Variants in SRBD1 observed in about 807,000 individuals in gnomAD.
The protein encoded by SRBD1 is S1 RNA-binding domain-containing protein 1.
A neutral mutation model predicts 115.3 loss-of-function variants in SRBD1; 88 were observed. That is an observed-to-expected ratio of 0.76 (90% CI 0.64 to 0.91). The LOEUF (loss-of-function observed/expected upper bound fraction) is 0.91. Ranked by LOEUF, SRBD1 falls within the 40% of genes least tolerant of loss-of-function variation. The probability of loss-of-function intolerance (pLI) is 0.00; values close to 1 mark genes in which losing one functional copy is unlikely to be tolerated. For missense variants in SRBD1, 1,385 were observed against 1,177.4 expected (o/e 1.18, Z -2.58); for synonymous variants, 509 against 407.7 (o/e 1.25, Z -2.99).
At chr2:45,597,019 G>T (rs1673923294) in intron 4 of SRBD1, among the ~76,000 whole-genome samples, 1 of 110,308 alleles carries the variant, frequency 9.1e-6, no homozygotes, top group South Asian at 3.0e-4. Flanking sequence ...CACACACACA[G>T]CCCTGGCAGC....
rs146178969 is a variant in SRBD1, at chr2:45,539,054, T to C, written c.1874+7678A>G. 3.2e-4 allele frequency among the ~76,000 whole-genome samples: 49 copies of C among 152,170 alleles called. 1 individual carries two copies. The East Asian group carries it at 8.5e-3, about 26-fold the overall frequency. The stretch of plus-strand genomic sequence containing the variant: ...TAAATTTAGATGATTGAAAAGATCA[T>C]TATCTATTTTTTTTTATGGTCTTAC... On this transcript the variant is annotated intron_variant, in intron 14 of 20. Coordinates refer to ENST00000263736, the MANE Select transcript of SRBD1 (RefSeq NM_018079.5).
intron 19 of SRBD1, among the ~76,000 whole-genome samples, chr2:45,407,127 ACT>A (rs1667459605): frequency 6.6e-6 from 1 of 152,050 alleles, no homozygotes; most frequent in Non-Finnish European, 1.5e-5. Flanking sequence ...CCTATCAGAG[ACT>A]CTGTATACCT....
chr2:45,429,761 A>G (rs1048644327), intron 16 of SRBD1, among the ~76,000 whole-genome samples: 3 of 152,232 alleles, frequency 2.0e-5, no homozygotes, highest in African/African-American at 4.8e-5. Flanking sequence ...CACCACTCCT[A>G]TTCAACATAG....
chr2:45,514,206 C>A, intron 14 of SRBD1, among the ~76,000 whole-genome samples: 1 of 152,110 alleles, frequency 6.6e-6, no homozygotes, highest in East Asian at 1.9e-4. Context: ...AGAAAAAGTA[C>A]ATTTGAAATT....
In SRBD1 at chr2:45,607,329, G is replaced by C. The variant is rs74586637; in HGVS notation, c.1-1888C>G. On this transcript the variant is annotated intron_variant, in intron 1 of 20. Coordinates refer to ENST00000263736, the MANE Select transcript of SRBD1 (RefSeq NM_018079.5). ...TCAATAAATGGTATTGAGACAACTAGCTATTCCTCTAGAAGAAAAAAAGGA... is the reference window on the plus strand; with the variant it reads ...TCAATAAATGGTATTGAGACAACTACCTATTCCTCTAGAAGAAAAAAAGGA... 4.0e-3 allele frequency among the ~76,000 whole-genome samples: 607 copies of C among 152,196 alleles called. 5 individuals carry two copies. The highest frequency in any genetic ancestry group is 0.014 in the African/African-American group (589 of 41,524).
At chr2:45,456,271 A>G (rs999271250) in intron 16 of SRBD1, among the ~76,000 whole-genome samples, 2 of 151,932 alleles carry the variant, frequency 1.3e-5, no homozygotes, top group African/African-American at 4.8e-5. Context: ...TCTATGTTTT[A>G]AGATGACCTT....
intron 16 of SRBD1, among the ~76,000 whole-genome samples, chr2:45,472,956 GT>G (rs5830862): frequency 4.1e-4 from 60 of 148,104 alleles, no homozygotes; most frequent in African/African-American, 1.4e-3. Flanking sequence ...TATCAAGGTT[GT>G]TTTTTTTTTC....
intron 1 of SRBD1, among the ~76,000 whole-genome samples, chr2:45,609,743 C>T (rs1481100096): frequency 1.3e-5 from 2 of 152,122 alleles, no homozygotes; most frequent in Non-Finnish European, 2.9e-5. Flanking sequence ...ACATTTCAGG[C>T]CTAAAATAGG....
At chr2:45,522,405 T>C (rs1046900656) in intron 14 of SRBD1, among the ~76,000 whole-genome samples, 3 of 152,168 alleles carry the variant, frequency 2.0e-5, no homozygotes, top group African/African-American at 7.2e-5. Flanking sequence ...CTAGAGCTCC[T>C]GGGCTCAAGC....
rs746708071 is a variant in SRBD1 at position 45,488,319 on chromosome 2, T to C, written c.1887A>G (p.Glu629=). 1.9e-6 allele frequency: 3 copies of C among 1,613,778 alleles called. No individual in the cohort carries two copies. Among genetic ancestry groups the C allele is most frequent in the East Asian group, 2.2e-5 (1 of 44,848 alleles). ...PLDVVYCIVS[E]AGASIYSVSP... is the part of the protein sequence containing the mutation. ...TGACACTGTAGATTGATGCTCCTGC[T>C]TCACTGACGATACTGAGAAGACAGA... Residue 629 remains glutamate, a synonymous_variant, in exon 15 of 21, where the codon GAA becomes GAG. Transcript: ENST00000263736.
chr2:45,579,037 C>A (rs1673265109), intron 7 of SRBD1, among the ~76,000 whole-genome samples: 1 of 151,810 alleles, frequency 6.6e-6, no homozygotes, highest in Non-Finnish European at 1.5e-5. Flanking sequence ...GAGTAGAGAC[C>A]ACCAAAACAT....
intron 16 of SRBD1, among the ~76,000 whole-genome samples, chr2:45,441,066 CAT>C (rs1191729328): frequency 1.3e-5 from 2 of 152,200 alleles, no homozygotes; most frequent in African/African-American, 4.8e-5. Flanking sequence ...TGTGGCCACA[CAT>C]GTAGTCAGAT....
chr2:45,593,023 C>T (rs142096321), intron 4 of SRBD1, among the ~76,000 whole-genome samples: 1 of 152,210 alleles, frequency 6.6e-6, no homozygotes, highest in East Asian at 1.9e-4. Context: ...CACTTATAAG[C>T]GATTCACATT....
At chr2:45,608,822 A>T (rs1486105248) in intron 1 of SRBD1, among the ~76,000 whole-genome samples, 17 of 143,586 alleles carry the variant, frequency 1.2e-4, no homozygotes, top group Admixed American at 1.4e-4. Context: ...GAAAAAAAAA[A>T]TTTTTTTTTT....
intron 14 of SRBD1, among the ~76,000 whole-genome samples, chr2:45,525,658 T>C (rs1452678597): frequency 6.6e-6 from 1 of 152,048 alleles, no homozygotes; most frequent in Non-Finnish European, 1.5e-5. Context: ...CATTACACAA[T>C]GTATATGTAC....
chr2:45,425,798 G>A (rs1668135445), intron 16 of SRBD1, among the ~76,000 whole-genome samples: 1 of 152,138 alleles, frequency 6.6e-6, no homozygotes, highest in African/African-American at 2.4e-5. Flanking sequence ...TGTGCTGTGA[G>A]GAATGGTACA....
intron 14 of SRBD1, among the ~76,000 whole-genome samples, chr2:45,490,256 C>G (rs765100058): frequency 1.3e-5 from 2 of 152,036 alleles, no homozygotes; most frequent in Non-Finnish European, 2.9e-5. Context: ...GTGGCATTTC[C>G]TAACCAGGGG....
intron 14 of SRBD1, among the ~76,000 whole-genome samples, chr2:45,521,290 C>CACAA (rs1156395694): frequency 3.4e-4 from 42 of 123,528 alleles, no homozygotes; most frequent in African/African-American, 1.8e-3. Context: ...AAGGAAAACA[C>CACAA]ACACACACAC....
At chr2:45,549,190 C>A (rs1672213461) in intron 12 of SRBD1, 3 of 151,650 alleles carry the variant, frequency 2.0e-5, no homozygotes, top group South Asian at 2.1e-4. Flanking sequence ...TCAAACTGAG[C>A]AAAGTAAAGA....
Sources: allele counts gnomAD v4.1 joint callset (sites outside exome capture counted in the v4.1 genomes callset), GRCh38; gene constraint gnomAD v4.1.1; transcripts MANE v1.5; gene names NCBI Gene and HGNC (gene_info 2026-07-23, HGNC 2026-07-21).